Variants in ELL observed in about 807,000 individuals in gnomAD.
ELL encodes RNA polymerase II elongation factor ELL.
In ELL, 18 loss-of-function variants were observed where a neutral mutation model predicts 64.0. The ratio of observed to expected loss-of-function variants is 0.28; its 90% CI spans 0.19 to 0.42. The LOEUF is 0.42. ELL is among the 10% of genes least tolerant of loss of function. The pLI, the probability that ELL is intolerant of heterozygous loss-of-function variation, is 1.00. For synonymous variants in ELL, 399 were observed against 376.2 expected (o/e 1.06, Z -0.70); for missense variants, 797 against 870.4 (o/e 0.92, Z 1.06).
intron 1 of ELL, among the ~76,000 whole-genome samples, chr19:18,488,102 A>G (rs1975456152): frequency 6.6e-6 from 1 of 152,182 alleles, no homozygotes; most frequent in African/African-American, 2.4e-5. Flanking sequence ...CCTGAGAAAC[A>G]TGCCTGAAGG....
intron 1 of ELL, among the ~76,000 whole-genome samples, chr19:18,503,034 A>AGAGTGGCTCCCTATC (rs1443168407): frequency 6.6e-6 from 1 of 152,234 alleles, no homozygotes; most frequent in Non-Finnish European, 1.5e-5. Context: ...GGGCCCTGCC[A>AGAGTGGCTCCCTATC]GAGTGGCTCC....
Position 18,444,847 on chromosome 19 carries a change from C to T in ELL, c.1771G>A (p.Glu591Lys). Residue 591 changes from glutamate (E) to lysine (K), a missense_variant, in exon 12 of 12, where the codon GAG becomes AAG. Physicochemically the swap from Glu to Lys is moderately conservative, Grantham distance 56 (BLOSUM62 1). Coordinates refer to ENST00000262809, the MANE Select transcript of ELL (RefSeq NM_006532.4). ...IKKTNTNYSQ[E>K]KHRCEYLHSK... The stretch of plus-strand genomic sequence containing the variant: ...TGCAGGTACTCGCAGCGGTGCTTCT[C>T]CTGGCTGTAGTTGGTGTTGGTCTGT... 1 of 1,612,092 alleles carries T rather than the reference C, an allele frequency of 6.2e-7. No homozygotes were observed. The highest frequency in any genetic ancestry group is 8.5e-7 in the Non-Finnish European group (1 of 1,179,912).
At chr19:18,492,318 G>A (rs1975550057) in intron 1 of ELL, among the ~76,000 whole-genome samples, 2 of 152,222 alleles carry the variant, frequency 1.3e-5, no homozygotes. Flanking sequence ...TATGTGCAAG[G>A]ACGGCCATTC....
chr19:18,464,545 C>T (rs1198735412), intron 4 of ELL, among the ~76,000 whole-genome samples: 1 of 152,202 alleles, frequency 6.6e-6, no homozygotes, highest in Non-Finnish European at 1.5e-5. Flanking sequence ...CCTGCACCCA[C>T]ATCTGGGGTT....
Position 18,450,537 on chromosome 19 carries a change from GGGCCCGGGGCTTGTCCTCAGCCGCCC to G in ELL, c.1379_1404del (p.Arg460ThrfsTer40). 1 of 1,613,260 alleles carries G rather than the reference GGGCCCGGGGCTTGTCCTCAGCCGCCC, an allele frequency of 6.2e-7. No individual in the cohort carries two copies. The highest frequency in any genetic ancestry group is 8.5e-7 in the Non-Finnish European group (1 of 1,179,938). On this transcript the variant is annotated frameshift_variant, in exon 8 of 12. Coordinates refer to ENST00000262809, the MANE Select transcript of ELL (RefSeq NM_006532.4). LOFTEE classifies it high-confidence loss of function. ...GTGGCAGGTGCACAGTCTGGAAGCT[GGGCCCGGGGCTTGTCCTCAGCCGCCC>G]TCTCCTTGTCTTTGTGCTTCTTGGA...
chr19:18,502,212 G>A (rs1419148772), intron 1 of ELL, among the ~76,000 whole-genome samples: 1 of 152,182 alleles, frequency 6.6e-6, no homozygotes, highest in Non-Finnish European at 1.5e-5. Context: ...CACACCCCCA[G>A]TCCAGCACCC....
At chr19:18,468,614 C>T (rs1290110166) in intron 2 of ELL, among the ~76,000 whole-genome samples, 1 of 152,212 alleles carries the variant, frequency 6.6e-6, no homozygotes, top group African/African-American at 2.4e-5. Flanking sequence ...GCTGTGGGAA[C>T]CTGAGCCTGG....
intron 1 of ELL, among the ~76,000 whole-genome samples, chr19:18,497,084 T>A (rs1219467147): frequency 6.6e-6 from 1 of 152,172 alleles, no homozygotes; most frequent in Non-Finnish European, 1.5e-5. Flanking sequence ...ACATGAAAAA[T>A]ACTAATTACA....
intron 8 of ELL, 63 bp downstream of exon 8, chr19:18,450,414 G>A: frequency 6.4e-7 from 1 of 1,570,588 alleles, no homozygotes; most frequent in Non-Finnish European, 8.6e-7. Flanking sequence ...ACCCCATGAG[G>A]GTGAGGCGGG....
chr19:18,459,291 T>C (rs532409582), intron 5 of ELL, among the ~76,000 whole-genome samples: 17 of 152,340 alleles, frequency 1.1e-4, no homozygotes, highest in Middle Eastern at 3.4e-3. Context: ...CCAGCCTGCC[T>C]TGCTGTTGCC....
At chr19:18,520,614 A>T (rs1976244743) in intron 1 of ELL, among the ~76,000 whole-genome samples, 1 of 151,932 alleles carries the variant, frequency 6.6e-6, no homozygotes, top group Admixed American at 6.6e-5. Context: ...AAACAGGGGG[A>T]AGAAATTCTC....
chr19:18,446,071 C>T, intron 10 of ELL: 1 of 554,674 alleles, frequency 1.8e-6, no homozygotes. Flanking sequence ...TGGGTCACAG[C>T]TGTCCCCACT....
intron 6 of ELL, among the ~76,000 whole-genome samples, chr19:18,455,230 C>T (rs1347446304): frequency 1.3e-5 from 2 of 151,708 alleles, no homozygotes; most frequent in Admixed American, 6.6e-5. Flanking sequence ...CAGTGGATCA[C>T]GCCTGTAATC....
intron 6 of ELL, among the ~76,000 whole-genome samples, chr19:18,454,726 A>G (rs1312226167): frequency 2.0e-5 from 3 of 150,890 alleles, no homozygotes; most frequent in African/African-American, 7.3e-5. Flanking sequence ...CTGTAATCCC[A>G]GCTACTCGGG....
chr19:18,481,708 T>C (rs1975302394), intron 1 of ELL, among the ~76,000 whole-genome samples: 1 of 152,220 alleles, frequency 6.6e-6, no homozygotes, highest in Non-Finnish European at 1.5e-5. Context: ...ATCCATCCTG[T>C]GTGTTGCCCC....
At position 18,465,844 on chromosome 19, in the gene ELL, G is replaced by T; in HGVS notation, c.258C>A (p.Arg86=). ...TFSFYLSNIG[R]DNPQGSFDCI... ...AGTCGAAGCTGCCCTGGGGGTTGTC[G>T]CGGCCGATGTTGGAGAGGTAGAAGG... The change falls in exon 3 of 12, where the codon CGC becomes CGA. Residue 86 remains arginine, a synonymous_variant. Transcript: ENST00000262809. 7.4e-7 allele frequency: 1 copy of T among 1,351,090 alleles called. No individual in the cohort carries two copies. The highest frequency in any genetic ancestry group is 9.6e-7 in the Non-Finnish European group (1 of 1,042,260). 83.7% of individuals were successfully genotyped at this position (1,351,090 alleles called of 1,614,324 possible). A position where few individuals can be genotyped will look rare whatever the true frequency, so the allele number is the denominator to read the frequency against.
At chr19:18,463,371 G>C (rs1345536866) in intron 4 of ELL, among the ~76,000 whole-genome samples, 2 of 112,878 alleles carry the variant, frequency 1.8e-5, no homozygotes, top group Non-Finnish European at 3.3e-5. Flanking sequence ...GTCTCACTCT[G>C]TTGCGCAGGC....
At chr19:18,464,092 G>A (rs1360170314) in intron 4 of ELL, among the ~76,000 whole-genome samples, 1 of 152,222 alleles carries the variant, frequency 6.6e-6, no homozygotes, top group African/African-American at 2.4e-5. Flanking sequence ...TATGGGGCCA[G>A]GTGCGCTGAC....
rs1011303615 is a variant in ELL at position 18,445,446 on chromosome 19, TG to T, written c.1705-179del. ...CTGTAGCTCCGGAGTGGGTGGGGCA[TG>T]AGGGAAAGGCTGCCGGGTCCCCTGG... On this transcript the variant is annotated intron_variant, in intron 10 of 11. Coordinates refer to ENST00000262809, the MANE Select transcript of ELL (RefSeq NM_006532.4). 6.5e-4 allele frequency: 394 copies of T among 607,426 alleles called. No homozygotes were observed. In the African/African-American group the frequency reaches 6.9e-3, roughly 11 times the overall value. 37.6% of individuals were successfully genotyped at this position (607,426 alleles called of 1,614,324 possible).
Sources: allele counts gnomAD v4.1 joint callset (sites outside exome capture counted in the v4.1 genomes callset), GRCh38; gene constraint gnomAD v4.1.1; transcripts MANE v1.5; gene names NCBI Gene and HGNC (gene_info 2026-07-23, HGNC 2026-07-21).